EYA1: variants seen among roughly 807,000 people sequenced by gnomAD.
EYA1 encodes the protein protein phosphatase EYA1.
In EYA1, 16 loss-of-function variants were observed where a neutral mutation model predicts 82.0. The ratio of observed to expected loss-of-function variants is 0.20; its 90% confidence interval spans 0.13 to 0.30. EYA1 has a LOEUF of 0.30. Ranked by LOEUF, EYA1 falls within the 10% of genes least tolerant of loss-of-function variation. The probability of loss-of-function intolerance (pLI) is 1.00; values close to 1 mark genes in which losing one functional copy is unlikely to be tolerated. For synonymous variants in EYA1, 261 were observed against 264.4 expected (o/e 0.99, Z 0.12); for missense variants, 633 against 730.7 (o/e 0.87, Z 1.54).
chr8:71,464,819 C>T (rs7816021), intron 2 of EYA1, among the ~76,000 whole-genome samples: 97,758 of 152,084 alleles, frequency 0.64, 33,861 homozygotes, highest in African/African-American at 0.9. Flanking sequence ...ACAAGCCTTG[C>T]ATTTAAATTT....
At chr8:71,216,208 C>T (rs1011178281) in intron 14 of EYA1, among the ~76,000 whole-genome samples, 1 of 152,212 alleles carries the variant, frequency 6.6e-6, no homozygotes, top group African/African-American at 2.4e-5. Context: ...AGCATCATTT[C>T]AGCATCTGCA....
At chr8:71,500,990 C>T (rs942367235) in intron 2 of EYA1, among the ~76,000 whole-genome samples, 4 of 152,178 alleles carry the variant, frequency 2.6e-5, no homozygotes, top group African/African-American at 7.2e-5. Flanking sequence ...CTCCCCTCAA[C>T]GTCTACCCAT....
At chr8:71,330,835 C>G (rs1044802742) in intron 4 of EYA1, among the ~76,000 whole-genome samples, 13 of 150,056 alleles carry the variant, frequency 8.7e-5, no homozygotes, top group African/African-American at 3.2e-4. Context: ...ATGTTATTAG[C>G]TTTATCCTTG....
At chr8:71,394,385 G>A (rs1468379543) in intron 2 of EYA1, among the ~76,000 whole-genome samples, 1 of 152,110 alleles carries the variant, frequency 6.6e-6, no homozygotes, top group East Asian at 1.9e-4. Flanking sequence ...GTCCTGAATG[G>A]TATTGCCTCG....
chr8:71,346,439 T>TATAG, intron 3 of EYA1, among the ~76,000 whole-genome samples: 1 of 136,630 alleles, frequency 7.3e-6, no homozygotes, highest in East Asian at 2.3e-4. Flanking sequence ...TGAATATATA[T>TATAG]ATATATATAT....
chr8:71,473,642 C>T (rs577530793), intron 2 of EYA1, among the ~76,000 whole-genome samples: 9 of 152,212 alleles, frequency 5.9e-5, no homozygotes, highest in South Asian at 2.1e-4. Context: ...GACAGTGTGG[C>T]GATTCCTCAA....
chr8:71,478,045 G>T (rs961175054), intron 2 of EYA1, among the ~76,000 whole-genome samples: 3 of 152,122 alleles, frequency 2.0e-5, no homozygotes, highest in Non-Finnish European at 4.4e-5. Context: ...GAATTAGGTA[G>T]GGGATACTTA....
chr8:71,412,003 C>G (rs528710974), intron 2 of EYA1, among the ~76,000 whole-genome samples: 172 of 151,976 alleles, frequency 1.1e-3, no homozygotes, highest in Middle Eastern at 3.4e-3. Flanking sequence ...CGATAGACTG[C>G]ATTAAGAAAA....
At chr8:71,460,120 C>A (rs749818412) in intron 2 of EYA1, among the ~76,000 whole-genome samples, 21 of 152,190 alleles carry the variant, frequency 1.4e-4, no homozygotes, top group Admixed American at 1.3e-4. Context: ...AGACATTGTT[C>A]ACATTCTCCA....
intron 2 of EYA1, among the ~76,000 whole-genome samples, chr8:71,466,297 C>A (rs970491760): frequency 6.6e-6 from 1 of 152,028 alleles, no homozygotes; most frequent in African/African-American, 2.4e-5. Flanking sequence ...ACAAAACATT[C>A]AAAAAGCAAT....
At chr8:71,215,806 A>G in intron 14 of EYA1, 78 bp from the exon 15 acceptor site, 1 of 922,322 alleles carries the variant, frequency 1.1e-6, no homozygotes, top group Non-Finnish European at 1.8e-6. Flanking sequence ...TAACATTTAA[A>G]AAGTACTATG....
At chr8:71,313,790 A>C (rs1045412124) in intron 7 of EYA1, among the ~76,000 whole-genome samples, 2 of 152,194 alleles carry the variant, frequency 1.3e-5, no homozygotes, top group Non-Finnish European at 2.9e-5. Flanking sequence ...AGTCTTTCTA[A>C]GTCTGATAGA....
chr8:71,265,872 T>G (rs546663335), intron 11 of EYA1, among the ~76,000 whole-genome samples: 4 of 152,344 alleles, frequency 2.6e-5, no homozygotes, highest in Admixed American at 2.0e-4. Context: ...TCTTACTTGT[T>G]TTCCTCAGCC....
chr8:71,271,271 C>A (rs1202304865), intron 10 of EYA1, among the ~76,000 whole-genome samples: 1 of 152,154 alleles, frequency 6.6e-6, no homozygotes, highest in African/African-American at 2.4e-5. Flanking sequence ...AAGCATTTGT[C>A]CTTTGTGTTA....
chr8:71,223,895 C>CT (rs1354509015), intron 12 of EYA1, among the ~76,000 whole-genome samples: 21 of 152,280 alleles, frequency 1.4e-4, no homozygotes, highest in African/African-American at 4.6e-4. Context: ...AGTAGTTGTA[C>CT]TTTCCCCCCA....
At chr8:71,487,768 A>G (rs1810683308) in intron 2 of EYA1, among the ~76,000 whole-genome samples, 1 of 152,232 alleles carries the variant, frequency 6.6e-6, no homozygotes, top group Admixed American at 6.5e-5. Flanking sequence ...TCACAATGAA[A>G]TATGACTACA....
chr8:71,498,502 A>T (rs1210937114), intron 2 of EYA1, among the ~76,000 whole-genome samples: 1 of 152,140 alleles, frequency 6.6e-6, no homozygotes, highest in Non-Finnish European at 1.5e-5. Context: ...TTTCACACAA[A>T]CTGAGAAGTG....
intron 2 of EYA1, among the ~76,000 whole-genome samples, chr8:71,492,880 C>A (rs183110700): frequency 1.3e-3 from 199 of 152,294 alleles, no homozygotes; most frequent in Non-Finnish European, 2.1e-3. Flanking sequence ...GCCTAGTACC[C>A]ATTAGTTGTG....
chr8:71,379,211 G>T (rs1828551775), intron 2 of EYA1, among the ~76,000 whole-genome samples: 1 of 152,044 alleles, frequency 6.6e-6, no homozygotes, highest in African/African-American at 2.4e-5. Context: ...GAACAGTAGG[G>T]TCCACTATGA....
Sources: gnomAD v4.1 joint callset for allele counts (sites outside exome capture counted in the v4.1 genomes callset) on GRCh38, gnomAD v4.1.1 for gene constraint, MANE v1.5 for transcripts, NCBI Gene and HGNC (gene_info 2026-07-23, HGNC 2026-07-21) for gene names.